Variants in CDH12 observed in about 807,000 individuals in gnomAD.
CDH12 encodes the protein cadherin 12.
A neutral mutation model predicts 74.1 loss-of-function variants in CDH12; 41 were observed. The ratio of observed to expected loss-of-function variants is 0.55; its 90% CI spans 0.43 to 0.72. The LOEUF (loss-of-function observed/expected upper bound fraction) is 0.72. Ranked by LOEUF, CDH12 falls within the 30% of genes least tolerant of loss-of-function variation. The probability of loss-of-function intolerance (pLI) is 0.00; values close to 1 mark genes in which losing one functional copy is unlikely to be tolerated. For missense variants in CDH12, 945 were observed against 977.2 expected (o/e 0.97, Z 0.44); for synonymous variants, 399 against 355.0 (o/e 1.12, Z -1.39).
At chr5:22,749,644 T>C (rs1227461770) in intron 1 of CDH12, among the ~76,000 whole-genome samples, 1 of 152,180 alleles carries the variant, frequency 6.6e-6, no homozygotes, top group Non-Finnish European at 1.5e-5. Flanking sequence ...AAGGCAATGG[T>C]ATTCAAATAT....
chr5:22,318,490 T>G lies in CDH12; in HGVS notation c.-333+86767A>C, dbSNP rs147154372. Among the ~76,000 whole-genome samples, 846 of 152,248 alleles carry G rather than the reference T, an allele frequency of 5.6e-3. 6 individuals are homozygous for G. The highest frequency in any genetic ancestry group is 6.7e-3 in the Non-Finnish European group (453 of 68,030). On this transcript the variant is annotated intron_variant, in intron 3 of 14. Coordinates refer to ENST00000382254, the MANE Select transcript of CDH12 (RefSeq NM_004061.5). ...GGGAGGCTCCTTTTCCCTATATGAG[T>G]ATCATTTATCAAAGTTCCATTTGAA...
chr5:22,052,171 A>G (rs915697299), intron 5 of CDH12, among the ~76,000 whole-genome samples: 1 of 152,164 alleles, frequency 6.6e-6, no homozygotes, highest in Admixed American at 6.5e-5. Context: ...AGCCCAAGTT[A>G]AAAACAACGC....
chr5:22,095,084 C>T (rs372174723), intron 4 of CDH12, among the ~76,000 whole-genome samples: 31 of 152,248 alleles, frequency 2.0e-4, no homozygotes, highest in African/African-American at 5.8e-4. Context: ...TGACTTGGAT[C>T]GGGGGACCTC....
At chr5:22,370,043 A>G (rs575042043) in intron 3 of CDH12, among the ~76,000 whole-genome samples, 110 of 152,304 alleles carry the variant, frequency 7.2e-4, no homozygotes, top group Non-Finnish European at 9.1e-4. Context: ...TGGATTGATT[A>G]ATTCAATGAT....
At chr5:22,037,399 C>T (rs1189969336) in intron 5 of CDH12, among the ~76,000 whole-genome samples, 1 of 152,086 alleles carries the variant, frequency 6.6e-6, no homozygotes, top group Admixed American at 6.5e-5. Flanking sequence ...GTGGGCCACT[C>T]GTGGCTTTTA....
chr5:21,791,868 G>T (rs1746518722), intron 10 of CDH12, among the ~76,000 whole-genome samples: 1 of 151,634 alleles, frequency 6.6e-6, no homozygotes, highest in Non-Finnish European at 1.5e-5. Flanking sequence ...TTTTCAATTT[G>T]CTTAATAATT....
chr5:22,055,805 C>A (rs1019493144), intron 5 of CDH12, among the ~76,000 whole-genome samples: 1 of 151,992 alleles, frequency 6.6e-6, no homozygotes, highest in African/African-American at 2.4e-5. Flanking sequence ...AATTAAGTAA[C>A]AATATCTTAA....
At chr5:22,316,601 C>G (rs960729713) in intron 3 of CDH12, among the ~76,000 whole-genome samples, 4 of 152,040 alleles carry the variant, frequency 2.6e-5, no homozygotes, top group Admixed American at 6.6e-5. Context: ...AACCAGGGGT[C>G]TAATCTGTAA....
intron 10 of CDH12, among the ~76,000 whole-genome samples, chr5:21,794,907 A>G (rs1307418845): frequency 1.3e-5 from 2 of 151,564 alleles, no homozygotes; most frequent in Non-Finnish European, 3.0e-5. Context: ...TTCTCATTTT[A>G]CATTTTATTA....
At chr5:21,905,050 T>C (rs1043472642) in intron 6 of CDH12, among the ~76,000 whole-genome samples, 2 of 152,160 alleles carry the variant, frequency 1.3e-5, no homozygotes, top group African/African-American at 4.8e-5. Flanking sequence ...GCCATTGCAA[T>C]GTGTACTTTG....
chr5:22,497,734 C>T (rs1032038259), intron 2 of CDH12, among the ~76,000 whole-genome samples: 1 of 144,108 alleles, frequency 6.9e-6, no homozygotes, highest in Non-Finnish European at 1.5e-5. Flanking sequence ...CCTCAGCCTC[C>T]GAGGTTCAAG....
At chr5:22,639,343 A>T (rs2126868231) in intron 1 of CDH12, among the ~76,000 whole-genome samples, 1 of 152,044 alleles carries the variant, frequency 6.6e-6, no homozygotes, top group South Asian at 2.1e-4. Flanking sequence ...TATATAAGCT[A>T]AGTCCTAGTT....
chr5:22,415,191 T>C (rs1051527789), intron 2 of CDH12, among the ~76,000 whole-genome samples: 19 of 151,730 alleles, frequency 1.3e-4, no homozygotes, highest in Admixed American at 6.6e-5. Context: ...TAAAAATAAG[T>C]AATAAAGAAA....
intron 3 of CDH12, among the ~76,000 whole-genome samples, chr5:22,287,472 C>A (rs1226946165): frequency 2.0e-5 from 3 of 151,892 alleles, no homozygotes; most frequent in African/African-American, 7.3e-5. Context: ...CGCCTGTAAT[C>A]CCAGCACTTT....
At chr5:22,063,721 T>A (rs1741356229) in intron 5 of CDH12, among the ~76,000 whole-genome samples, 1 of 151,870 alleles carries the variant, frequency 6.6e-6, no homozygotes, top group Non-Finnish European at 1.5e-5. Context: ...TTTTTTTTAA[T>A]GAGATTAACA....
chr5:22,121,844 C>G (rs1330304975), intron 4 of CDH12, among the ~76,000 whole-genome samples: 1 of 152,108 alleles, frequency 6.6e-6, no homozygotes, highest in African/African-American at 2.4e-5. Context: ...TTGTTCACTT[C>G]TAGTTACAAA....
intron 1 of CDH12, among the ~76,000 whole-genome samples, chr5:22,505,787 GA>G (rs1482922675): frequency 6.6e-6 from 1 of 152,064 alleles, no homozygotes; most frequent in Non-Finnish European, 1.5e-5. Flanking sequence ...TGAACGTTTT[GA>G]AAAGCAATGG....
intron 2 of CDH12, among the ~76,000 whole-genome samples, chr5:22,446,148 T>G (rs1389929423): frequency 6.6e-6 from 1 of 152,076 alleles, no homozygotes; most frequent in Non-Finnish European, 1.5e-5. Context: ...TTGGATTACT[T>G]AAGTTTAACA....
At chr5:21,783,151 A>C (rs1018658253) in intron 11 of CDH12, among the ~76,000 whole-genome samples, 6 of 152,166 alleles carry the variant, frequency 3.9e-5, no homozygotes, top group African/African-American at 1.4e-4. Flanking sequence ...CTAGATATTC[A>C]TGCAATACTG....
Sources: allele counts gnomAD v4.1 joint callset (sites outside exome capture counted in the v4.1 genomes callset), GRCh38; gene constraint gnomAD v4.1.1; transcripts MANE v1.5; gene names NCBI Gene and HGNC (gene_info 2026-07-23, HGNC 2026-07-21).